The following TCF4 variants were observed in gnomAD, a reference collection of about 807,000 sequenced individuals.
TCF4 encodes transcription factor 4.
In TCF4, 3 loss-of-function variants were observed where a neutral mutation model predicts 82.1. That is an observed-to-expected ratio of 0.04 (90% CI 0.02 to 0.09). The LOEUF is 0.09. TCF4 is among the 10% of genes least tolerant of loss of function. The pLI, the probability that TCF4 is intolerant of heterozygous loss-of-function variation, is 1.00. For synonymous variants in TCF4, 276 were observed against 309.6 expected (o/e 0.89, Z 1.14); for missense variants, 518 against 852.7 (o/e 0.61, Z 4.89).
At chr18:55,631,502 C>T in intron 1 of TCF4, 1 of 1,091,472 alleles carries the variant, frequency 9.2e-7, no homozygotes, top group South Asian at 1.6e-5. Context: ...TAGGGTAATG[C>T]CCTACAGGGA....
chr18:55,237,245 G>T (rs941622784), intron 15 of TCF4, among the ~76,000 whole-genome samples: 2 of 152,012 alleles, frequency 1.3e-5, no homozygotes, highest in South Asian at 4.2e-4. Flanking sequence ...GGTGATCTTT[G>T]TCTCTATTTT....
chr18:55,318,501 G>GA (rs1047111026), intron 8 of TCF4, among the ~76,000 whole-genome samples: 129 of 150,436 alleles, frequency 8.6e-4, no homozygotes, highest in South Asian at 2.1e-3. Flanking sequence ...ATGCATAGAG[G>GA]AAAAAAAAAT....
chr18:55,274,264 T>G (rs1041046315), intron 10 of TCF4, among the ~76,000 whole-genome samples: 2 of 152,128 alleles, frequency 1.3e-5, no homozygotes, highest in Non-Finnish European at 1.5e-5. Context: ...AAGAGAAAAT[T>G]TGAAAATAAG....
At chr18:55,621,079 A>G (rs1006582575) in intron 2 of TCF4, among the ~76,000 whole-genome samples, 1 of 151,962 alleles carries the variant, frequency 6.6e-6, no homozygotes, top group African/African-American at 2.4e-5. Context: ...GTTATCTATA[A>G]TGTTGATTCT....
chr18:55,498,414 C>G (rs2096661335), intron 3 of TCF4, among the ~76,000 whole-genome samples: 1 of 152,178 alleles, frequency 6.6e-6, no homozygotes. Flanking sequence ...ACCAGCCAGT[C>G]CTAACACCTG....
At chr18:55,511,116 C>A (rs1319712319) in intron 3 of TCF4, among the ~76,000 whole-genome samples, 1 of 151,962 alleles carries the variant, frequency 6.6e-6, no homozygotes, top group African/African-American at 2.4e-5. Flanking sequence ...CTGTTGATGT[C>A]TGAGTAGGTC....
At chr18:55,342,348 C>T (rs1194890469) in intron 8 of TCF4, among the ~76,000 whole-genome samples, 2 of 152,052 alleles carry the variant, frequency 1.3e-5, no homozygotes, top group African/African-American at 4.8e-5. Flanking sequence ...GTCTTATACA[C>T]CTCTAAAAAT....
chr18:55,406,166 G>A (rs2094077840), intron 5 of TCF4, among the ~76,000 whole-genome samples: 1 of 123,610 alleles, frequency 8.1e-6, no homozygotes, highest in Non-Finnish European at 1.7e-5. Flanking sequence ...TATGCTCCTT[G>A]TAAAGATTTC....
At chr18:55,515,500 G>A (rs2096872502) in intron 3 of TCF4, among the ~76,000 whole-genome samples, 1 of 152,140 alleles carries the variant, frequency 6.6e-6, no homozygotes, top group South Asian at 2.1e-4. Context: ...CAAGCTGGAG[G>A]GACAATCAGA....
At chr18:55,588,449 A>C, upstream of TCF4, 1 of 1,534,944 alleles carries the variant, frequency 6.5e-7, no homozygotes, top group South Asian at 1.2e-5. Context: ...CAAAAAATAC[A>C]AACGAAAATT....
intron 6 of TCF4, chr18:55,402,052 C>G: frequency 1.0e-6 from 1 of 985,508 alleles, no homozygotes. Flanking sequence ...CATTTGCACT[C>G]ACATTCCAAA....
intron 6 of TCF4, among the ~76,000 whole-genome samples, chr18:55,355,286 T>C (rs1055324283): frequency 2.6e-5 from 4 of 152,216 alleles, no homozygotes; most frequent in Admixed American, 6.5e-5. Flanking sequence ...ACAAGTTAGA[T>C]TTGTTTAAAA....
chr18:55,468,492 A>T (rs2096082207), intron 3 of TCF4, among the ~76,000 whole-genome samples: 1 of 152,228 alleles, frequency 6.6e-6, no homozygotes. Flanking sequence ...AGGCACAATG[A>T]TAAAACTTGT....
At chr18:55,472,690 T>C (rs2958179) in intron 3 of TCF4, among the ~76,000 whole-genome samples, 149,736 of 152,234 alleles carry the variant, frequency 0.98, 73,697 homozygotes, top group Middle Eastern at 1. Context: ...GTAAACATTG[T>C]GAATTGCGTG....
intron 3 of TCF4, among the ~76,000 whole-genome samples, chr18:55,516,162 G>C (rs2096879564): frequency 1.3e-5 from 2 of 152,106 alleles, no homozygotes; most frequent in African/African-American, 4.8e-5. Flanking sequence ...AAGATGACTG[G>C]ACGTGAGTTT....
intron 8 of TCF4, chr18:55,321,895 G>T: frequency 7.1e-7 from 1 of 1,407,612 alleles, no homozygotes; most frequent in Non-Finnish European, 9.2e-7. Context: ...TTCCTGGCGG[G>T]CGGGGGAGGC....
At chr18:55,492,958 C>A (rs2096591466) in intron 3 of TCF4, among the ~76,000 whole-genome samples, 1 of 152,174 alleles carries the variant, frequency 6.6e-6, no homozygotes, top group African/African-American at 2.4e-5. Context: ...CCTCCACCCA[C>A]AAAGACAGGC....
chr18:55,610,512 G>C (rs1357823023), intron 2 of TCF4, among the ~76,000 whole-genome samples: 1 of 152,158 alleles, frequency 6.6e-6, no homozygotes, highest in African/African-American at 2.4e-5. Context: ...TTTCATTGAT[G>C]AGTGAAGTAT....
chr18:55,523,339 T>C (rs571680807), intron 3 of TCF4, among the ~76,000 whole-genome samples: 158 of 151,940 alleles, frequency 1.0e-3, no homozygotes, highest in South Asian at 2.1e-3. Flanking sequence ...AATGAATTAA[T>C]AAATTAGAAA....
Sources: allele counts gnomAD v4.1 joint callset (sites outside exome capture counted in the v4.1 genomes callset), GRCh38; gene constraint gnomAD v4.1.1; transcripts MANE v1.5; gene names NCBI Gene and HGNC (gene_info 2026-07-23, HGNC 2026-07-21).